The following DMTN variants were observed in gnomAD, a reference collection of about 807,000 sequenced individuals.
The protein encoded by DMTN is dematin actin binding protein.
Under a neutral mutation model 59.4 loss-of-function variants are expected in DMTN, and 27 were observed. The ratio of observed to expected loss-of-function variants is 0.45; its 90% confidence interval spans 0.33 to 0.63. The LOEUF (loss-of-function observed/expected upper bound fraction) is 0.63, where lower values mean the gene tolerates loss of function less well. Ranked by LOEUF, DMTN falls within the 20% of genes least tolerant of loss-of-function variation. DMTN has a pLI of 0.02. For synonymous variants in DMTN, 221 were observed against 203.7 expected, an observed-to-expected ratio of 1.08 and a Z score of -0.72; for missense variants, 451 against 528.9, an observed-to-expected ratio of 0.85 and a Z score of 1.45.
At chr8:22,057,640 TG>T (rs1278758169) in intron 1 of DMTN, among the ~76,000 whole-genome samples, 3 of 151,264 alleles carry the variant, frequency 2.0e-5, no homozygotes, top group African/African-American at 7.3e-5. Flanking sequence ...CAGGCTGGGG[TG>T]GGGCTGAGTG....
In DMTN at chr8:22,060,191, ATC is replaced by A. The variant is rs1321564763; in HGVS notation, c.-172+3059_-172+3060del. ...CTTCCTGCTGCAGCTCGCCCTTTCT[ATC>A]TCTTTGTGCACGGAGGTCGCTGGGA... On this transcript the variant is annotated intron_variant, in intron 1 of 15. Coordinates refer to ENST00000358242, the MANE Select transcript of DMTN (RefSeq NM_001387751.1). This position sits in a 1 kb window ranked among gnomAD's most constrained non-coding sequence, Gnocchi z 5.0. Among the ~76,000 whole-genome samples, 1 of 151,652 alleles carries A rather than the reference ATC, an allele frequency of 6.6e-6. No homozygotes were observed. The highest frequency in any genetic ancestry group is 1.5e-5 in the Non-Finnish European group (1 of 67,924).
chr8:22,054,270 G>A (rs1025598967), upstream of DMTN, among the ~76,000 whole-genome samples: 2 of 123,770 alleles, frequency 1.6e-5, no homozygotes, highest in Non-Finnish European at 3.4e-5. Flanking sequence ...AAGGTGGCCC[G>A]CCCGCCCCAC....
At chr8:22,049,928 G>A (rs1481416180), upstream of DMTN, among the ~76,000 whole-genome samples, 1 of 152,164 alleles carries the variant, frequency 6.6e-6, no homozygotes, top group Non-Finnish European at 1.5e-5. Context: ...GGAGGTGGGT[G>A]CAGCTACAGT....
rs1399983929 is a variant in DMTN at position 22,069,533 on chromosome 8, CA to C, written c.394+16del. 6.3e-7 allele frequency: 1 copy of C among 1,574,818 alleles called. No homozygotes were observed. Among genetic ancestry groups the C allele is most frequent in the Non-Finnish European group, 8.6e-7 (1 of 1,158,450 alleles). The stretch of plus-strand genomic sequence containing the variant: ...CCACCACCCTGGTAGGTCTTCTCGG[CA>C]CGACCTCATTGTTTCCTAAGACTTT... On this transcript the variant is annotated intron_variant, in intron 6 of 15. Transcript: ENST00000358242.
At chr8:22,067,386 C>G in intron 3 of DMTN, 141 bp from the exon 4 acceptor site, 1 of 1,307,392 alleles carries the variant, frequency 7.6e-7, no homozygotes, top group Non-Finnish European at 1.0e-6. Flanking sequence ...TTTAAGGTGA[C>G]TAATTTCTTA....
At chr8:22,056,663 C>T (rs1802733481), upstream of DMTN, among the ~76,000 whole-genome samples, 1 of 151,802 alleles carries the variant, frequency 6.6e-6, no homozygotes, top group South Asian at 2.1e-4. Context: ...GTTAATGCTC[C>T]TCTTGTTTGA....
intron 13 of DMTN, 86 bp from the exon 14 acceptor site, chr8:22,080,718 GT>G: frequency 6.3e-7 from 1 of 1,582,752 alleles, no homozygotes; most frequent in Non-Finnish European, 8.6e-7. Flanking sequence ...GGGCCACAGA[GT>G]TGCCTGGTGA....
chr8:22,078,883 G>T (rs1169149059), intron 10 of DMTN, among the ~76,000 whole-genome samples: 2 of 134,656 alleles, frequency 1.5e-5, no homozygotes, highest in Admixed American at 1.8e-4. Flanking sequence ...TGCAAGGTCC[G>T]CCTCCCAGGT....
In DMTN at chr8:22,058,322, G is replaced by C. The variant is rs1370373140; in HGVS notation, c.-172+1186G>C. Reference sequence around the variant, plus strand: ...TAGAGCTCCTGGGTGTTGTGGGACTGGAACAGGGAGGCCCTGGGATCCAGA... The same window carrying C: ...TAGAGCTCCTGGGTGTTGTGGGACTCGAACAGGGAGGCCCTGGGATCCAGA... On this transcript the variant is annotated intron_variant, in intron 1 of 15. Coordinates refer to ENST00000358242, the MANE Select transcript of DMTN (RefSeq NM_001387751.1). The surrounding 1 kb of genome is among the most constrained non-coding windows in gnomAD (Gnocchi z 4.3). 6.6e-6 allele frequency among the ~76,000 whole-genome samples: 1 copy of C among 152,148 alleles called. No individual in the cohort carries two copies. Among genetic ancestry groups the C allele is most frequent in the African/African-American group, 2.4e-5 (1 of 41,434 alleles).
chr8:22,081,479 C>T lies in DMTN; in HGVS notation c.*16C>T, dbSNP rs1411907652. The T allele has an allele frequency of 6.8e-6, 11 of 1,608,680 alleles. No individual in the cohort carries two copies. Among genetic ancestry groups the T allele is most frequent in the Non-Finnish European group, 8.5e-6 (10 of 1,175,114 alleles). ...TCTCTTCTGATGGCCCCCACCTGCT[C>T]CGGGACGGCCCCCTTACCCCTGCTG... is the stretch of plus-strand genomic sequence containing the variant. On this transcript the variant is annotated 3_prime_UTR_variant, in exon 16 of 16. Coordinates refer to ENST00000358242, the MANE Select transcript of DMTN (RefSeq NM_001387751.1).
chr8:22,076,622 A>G (rs1335831269), intron 10 of DMTN, among the ~76,000 whole-genome samples: 2 of 151,744 alleles, frequency 1.3e-5, no homozygotes, highest in East Asian at 3.9e-4. Flanking sequence ...ATGTCACTAT[A>G]TATATATATA....
chr8:22,070,178 G>A lies in DMTN; in HGVS notation c.452-4G>A. 1 of 1,578,364 alleles carries A rather than the reference G, an allele frequency of 6.3e-7. No homozygotes were observed. Among genetic ancestry groups the A allele is most frequent in the Non-Finnish European group, 8.6e-7 (1 of 1,160,156 alleles). ...ACCTGGCTGACCCTGGCCTTTGTCT[G>A]CAGAGTCCGTGGGAGGCAGCCCTCA... On this transcript the variant is annotated splice_region_variant and splice_polypyrimidine_tract_variant and intron_variant, in intron 7 of 15. Coordinates refer to ENST00000358242, the MANE Select transcript of DMTN (RefSeq NM_001387751.1).
chr8:22,072,225 TC>T lies in DMTN; in HGVS notation c.605-100del, dbSNP rs1235037961. 3 of 1,391,938 alleles carry T rather than the reference TC, an allele frequency of 2.2e-6. No individual in the cohort carries two copies. In the African/African-American group the frequency reaches 4.4e-5, roughly 20 times the overall value. The allele number at this position is 1,391,938 out of a possible 1,614,324, so 86.2% of individuals were successfully genotyped here. ...TTAAAAAAATTTTGTAGTGGCCTTA[TC>T]AAGGTCCAGCCCAGAGCAGTGCACA... On this transcript the variant is annotated intron_variant, in intron 8 of 15. Transcript: ENST00000358242.
upstream of DMTN, among the ~76,000 whole-genome samples, chr8:22,051,482 TCA>T (rs780968669): frequency 1.3e-5 from 2 of 152,176 alleles, no homozygotes; most frequent in Non-Finnish European, 2.9e-5. Flanking sequence ...GCCTCAGTCC[TCA>T]GTGTCTTCAG....
At chr8:22,053,319 G>C (rs1801549887), upstream of DMTN, among the ~76,000 whole-genome samples, 1 of 152,180 alleles carries the variant, frequency 6.6e-6, no homozygotes, top group African/African-American at 2.4e-5. Context: ...GAGGCTCTAG[G>C]GTCTGGGCAG....
intron 1 of DMTN, among the ~76,000 whole-genome samples, chr8:22,063,927 A>G (rs554681508): frequency 1.6e-3 from 249 of 152,340 alleles, no homozygotes; most frequent in African/African-American, 5.7e-3. Context: ...TCTGTTCTCC[A>G]TAAGACTTAC....
intron 8 of DMTN, among the ~76,000 whole-genome samples, chr8:22,070,842 G>A (rs1442929945): frequency 6.6e-6 from 1 of 152,022 alleles, no homozygotes; most frequent in East Asian, 1.9e-4. Flanking sequence ...CTTCTGAGTT[G>A]CCATGGTCCA....
Position 22,081,879 on chromosome 8 carries a change from C to G in DMTN, c.*416C>G, listed in dbSNP as rs1329323262. ...AGCTCCAGGCTCTTGTGTCGCCCAC[C>G]CAGCCCTCCCATACTCACTCCTGAC... On this transcript the variant is annotated 3_prime_UTR_variant, in exon 16 of 16. Transcript: ENST00000358242. 8.7e-6 allele frequency: 4 copies of G among 460,706 alleles called. No homozygotes were observed. The highest frequency in any genetic ancestry group is 1.5e-5 in the South Asian group (1 of 64,614). 28.5% of individuals were successfully genotyped at this position (460,706 alleles called of 1,614,324 possible). A position where few individuals can be genotyped will look rare whatever the true frequency, so the allele number is the denominator to read the frequency against.
At chr8:22,071,746 A>AT (rs1315158822) in intron 8 of DMTN, among the ~76,000 whole-genome samples, 1 of 151,532 alleles carries the variant, frequency 6.6e-6, no homozygotes, top group Non-Finnish European at 1.5e-5. Context: ...CGCCCAGCTA[A>AT]TTTTTTTGTA....
Sources: gnomAD v4.1 joint callset for allele counts (sites outside exome capture counted in the v4.1 genomes callset) on GRCh38, gnomAD v4.1.1 for gene constraint, Gnocchi (gnomAD v3.1) non-coding constraint, MANE v1.5 for transcripts, NCBI Gene and HGNC (gene_info 2026-07-23, HGNC 2026-07-21) for gene names.